Variants in BTRC observed in about 807,000 individuals in gnomAD.
The protein encoded by BTRC is F-box/WD repeat-containing protein 1A.
Under a neutral mutation model 85.5 loss-of-function variants are expected in BTRC, and 42 were observed. The observed-to-expected ratio is 0.49, with a 90% CI of 0.38 to 0.64. The LOEUF is 0.64. Among genes scored for constraint, BTRC ranks in the 30% least tolerant of loss-of-function variants. BTRC has a pLI of 0.00. For synonymous variants in BTRC, 255 were observed against 263.3 expected, an observed-to-expected ratio of 0.97 and a Z score of 0.30; for missense variants, 594 against 743.5, an observed-to-expected ratio of 0.80 and a Z score of 2.34.
chr10:101,502,484 A>AC (rs1946421210), intron 4 of BTRC, among the ~76,000 whole-genome samples: 2 of 152,068 alleles, frequency 1.3e-5, no homozygotes, highest in Non-Finnish European at 2.9e-5. Flanking sequence ...TCAATTATTA[A>AC]GTTTCATGAA....
intron 2 of BTRC, among the ~76,000 whole-genome samples, chr10:101,431,070 C>CTT (rs748703752): frequency 0.018 from 1,276 of 71,280 alleles, 62 homozygotes; most frequent in African/African-American, 0.029. Flanking sequence ...CTCAGCCTTT[C>CTT]TTTTTTTTTT....
chr10:101,474,886 T>C (rs1945635972), intron 3 of BTRC, among the ~76,000 whole-genome samples: 1 of 152,232 alleles, frequency 6.6e-6, no homozygotes, highest in African/African-American at 2.4e-5. Flanking sequence ...TAAAATGTTT[T>C]TCCTATCTGC....
chr10:101,549,462 C>T (rs2062611566), intron 13 of BTRC, among the ~76,000 whole-genome samples: 1 of 151,524 alleles, frequency 6.6e-6, no homozygotes, highest in African/African-American at 2.4e-5. Flanking sequence ...CACCTGTAAT[C>T]CCAGCACTTT....
At chr10:101,387,587 T>C (rs1321305142) in intron 1 of BTRC, among the ~76,000 whole-genome samples, 5 of 139,548 alleles carry the variant, frequency 3.6e-5, no homozygotes, top group Non-Finnish European at 7.6e-5. Context: ...AGTGCAATGG[T>C]GCGATCTTGG....
intron 4 of BTRC, among the ~76,000 whole-genome samples, chr10:101,482,392 T>TG (rs1945859184): frequency 8.0e-6 from 1 of 125,782 alleles, no homozygotes; most frequent in Non-Finnish European, 1.8e-5. Flanking sequence ...TTTGTTTGTT[T>TG]CTTTTTTTTT....
rs1208921462 is a variant in BTRC at position 101,553,992 on chromosome 10, A to G, written c.*869A>G. 1 of 152,206 alleles carries G rather than the reference A, an allele frequency of 6.6e-6. No individual in the cohort carries two copies. The highest frequency in any genetic ancestry group is 2.4e-5 in the African/African-American group (1 of 41,394). The allele number at this position is 152,206 out of a possible 1,614,324, so 9.4% of individuals were successfully genotyped here. Reference sequence around the variant, plus strand: ...GTGGATTCTCAGACATGATACTCTCATCATATTTGCAACTCTTCTCTCTCT... The same window carrying G: ...GTGGATTCTCAGACATGATACTCTCGTCATATTTGCAACTCTTCTCTCTCT... On this transcript the variant is annotated 3_prime_UTR_variant, in exon 15 of 15. Coordinates refer to ENST00000370187, the MANE Select transcript of BTRC (RefSeq NM_033637.4).
intron 1 of BTRC, among the ~76,000 whole-genome samples, chr10:101,409,226 T>C (rs1191426303): frequency 6.6e-6 from 1 of 152,232 alleles, no homozygotes; most frequent in Non-Finnish European, 1.5e-5. Context: ...AAGCAGTTTC[T>C]TTCTATTCCC....
chr10:101,416,288 T>G (rs1002569250), intron 1 of BTRC, among the ~76,000 whole-genome samples: 1 of 152,230 alleles, frequency 6.6e-6, no homozygotes, highest in African/African-American at 2.4e-5. Flanking sequence ...TCTACTTTAT[T>G]GTTTGCCTTT....
chr10:101,509,570 T>TTTAAA (rs1946643048), intron 4 of BTRC, among the ~76,000 whole-genome samples: 1 of 148,850 alleles, frequency 6.7e-6, no homozygotes, highest in Admixed American at 6.7e-5. Context: ...TTTTTTTTTT[T>TTTAAA]GAGACAAGGT....
intron 2 of BTRC, among the ~76,000 whole-genome samples, chr10:101,434,149 A>G (rs1313080522): frequency 6.6e-6 from 1 of 152,260 alleles, no homozygotes. Context: ...TCTGCACTCA[A>G]TCTATTGTGG....
chr10:101,546,275 G>A (rs2062556851), intron 13 of BTRC, among the ~76,000 whole-genome samples: 1 of 143,388 alleles, frequency 7.0e-6, no homozygotes, highest in Admixed American at 7.0e-5. Flanking sequence ...TACAGCATAT[G>A]CTCTCAGATT....
At chr10:101,460,648 G>A (rs1160301739) in intron 2 of BTRC, among the ~76,000 whole-genome samples, 1 of 152,160 alleles carries the variant, frequency 6.6e-6, no homozygotes, top group Non-Finnish European at 1.5e-5. Flanking sequence ...AGGTGAAAGG[G>A]CCTCAGAATG....
chr10:101,521,599 A>G (rs771282046), intron 4 of BTRC, 40 bp from the exon 5 acceptor site: 33 of 1,419,918 alleles, frequency 2.3e-5, no homozygotes, highest in African/African-American at 1.3e-4. Context: ...CTCATTTTCA[A>G]TACTAATCAT....
intron 1 of BTRC, among the ~76,000 whole-genome samples, chr10:101,377,143 C>T (rs34512473): frequency 0.27 from 41,454 of 152,034 alleles, 6,766 homozygotes; most frequent in South Asian, 0.4. Context: ...TAAATGGAAC[C>T]GTGCAATATG....
intron 1 of BTRC, among the ~76,000 whole-genome samples, chr10:101,397,363 G>A (rs1943390305): frequency 1.3e-5 from 2 of 152,172 alleles, no homozygotes; most frequent in Admixed American, 1.3e-4. Flanking sequence ...AGCCTAGAAA[G>A]GATGTATTGC....
At chr10:101,465,202 C>T (rs1307463738) in intron 3 of BTRC, among the ~76,000 whole-genome samples, 1 of 152,134 alleles carries the variant, frequency 6.6e-6, no homozygotes, top group Non-Finnish European at 1.5e-5. Context: ...GGATTTGCAT[C>T]TCATTAACTT....
At chr10:101,411,321 TG>T (rs1943772227) in intron 1 of BTRC, among the ~76,000 whole-genome samples, 1 of 152,154 alleles carries the variant, frequency 6.6e-6, no homozygotes, top group East Asian at 1.9e-4. Context: ...TAGTTTTGTA[TG>T]GGTTGGTCTA....
chr10:101,379,755 A>T (rs1942882908), intron 1 of BTRC, among the ~76,000 whole-genome samples: 1 of 152,178 alleles, frequency 6.6e-6, no homozygotes, highest in African/African-American at 2.4e-5. Flanking sequence ...GAATCCATTT[A>T]TATAAAACTA....
chr10:101,535,531 A>G, intron 11 of BTRC, 59 bp downstream of exon 11: 3 of 1,168,906 alleles, frequency 2.6e-6, no homozygotes, highest in Non-Finnish European at 3.8e-6. Context: ...TTCATTATTA[A>G]TGCACAGATC....
Sources: allele counts gnomAD v4.1 joint callset (sites outside exome capture counted in the v4.1 genomes callset), GRCh38; gene constraint gnomAD v4.1.1; transcripts MANE v1.5; gene names NCBI Gene and HGNC (gene_info 2026-07-23, HGNC 2026-07-21).